The following UQCRB variants were observed in gnomAD, a reference collection of about 807,000 sequenced individuals.
UQCRB encodes the protein ubiquinol-cytochrome c reductase binding protein.
UQCRB carries 12 observed loss-of-function variants against 19.8 expected under a neutral mutation model. The ratio of observed to expected loss-of-function variants is 0.61; its 90% confidence interval spans 0.39 to 0.98. The LOEUF is 0.98. Among genes scored for constraint, UQCRB ranks in the 50% least tolerant of loss-of-function variants. The pLI is 0.00. For synonymous variants in UQCRB, 39 were observed against 42.9 expected, an observed-to-expected ratio of 0.91 and a Z score of 0.35; for missense variants, 142 against 131.8, an observed-to-expected ratio of 1.08 and a Z score of -0.38.
intron 3 of UQCRB, 173 bp from the exon 4 acceptor site, chr8:96,231,305 G>T: frequency 6.4e-7 from 1 of 1,553,050 alleles, no homozygotes; most frequent in Admixed American, 2.0e-5. Context: ...TGTGGTGATG[G>T]TGTGATAAGT....
In UQCRB at chr8:96,227,257, T is replaced by C. The variant is rs748764584; in HGVS notation, c.*3798A>G. 28 of 453,924 alleles carry C rather than the reference T, an allele frequency of 6.2e-5. No homozygotes were observed. The highest frequency in any genetic ancestry group is 3.5e-4 in the Admixed American group (15 of 42,574). 28.1% of individuals were successfully genotyped at this position (453,924 alleles called of 1,614,324 possible). Reference sequence around the variant, plus strand: ...TATTAGATTTCATTACATCAGTATATAGCTTAGTAGTAAATTCTCCTGATG... The same window carrying C: ...TATTAGATTTCATTACATCAGTATACAGCTTAGTAGTAAATTCTCCTGATG... On this transcript the variant is annotated 3_prime_UTR_variant, in exon 4 of 4. Coordinates refer to ENST00000287022, the MANE Select transcript of UQCRB (RefSeq NM_006294.5).
At chr8:96,232,311 T>C (rs1809695868) in intron 2 of UQCRB, 1 of 227,380 alleles carries the variant, frequency 4.4e-6, no homozygotes, top group African/African-American at 2.3e-5. Context: ...ACATCTCTTT[T>C]TTCTCATAGT....
At position 96,229,783 on chromosome 8, in the gene UQCRB, G is replaced by C. The variant is rs1361275494; in HGVS notation, c.*1272C>G. 1 of 453,638 alleles carries C rather than the reference G, an allele frequency of 2.2e-6. No individual in the cohort carries two copies. The highest frequency in any genetic ancestry group is 2.0e-5 in the African/African-American group (1 of 49,956). The allele number at this position is 453,638 out of a possible 1,614,324, so 28.1% of individuals were successfully genotyped here. ...AGCGAAAGGAAAAAAAAAAGCGGGG[G>C]AGGGGGTTCCTAGAGAATTTAAGAG... On this transcript the variant is annotated 3_prime_UTR_variant, in exon 4 of 4. Transcript: ENST00000287022.
At position 96,229,904 on chromosome 8, in the gene UQCRB, C is replaced by T. The variant is rs1267098390; in HGVS notation, c.*1151G>A. ...AAATGTAACACAAATTCGTTTTTCA[C>T]ACTGTTTTGTTATTTGAGGTAAGGC... is the stretch of plus-strand genomic sequence containing the variant. On this transcript the variant is annotated 3_prime_UTR_variant, in exon 4 of 4. Coordinates refer to ENST00000287022, the MANE Select transcript of UQCRB (RefSeq NM_006294.5). The T allele has an allele frequency of 2.3e-6, 1 of 436,630 alleles. No homozygotes were observed. Among genetic ancestry groups the T allele is most frequent in the East Asian group, 7.1e-5 (1 of 14,136 alleles). The allele number at this position is 436,630 out of a possible 1,614,324, so 27.0% of individuals were successfully genotyped here. A position where few individuals can be genotyped will look rare whatever the true frequency, so the allele number is the denominator to read the frequency against.
rs1054568833 is a variant in UQCRB at position 96,225,163 on chromosome 8, G to A, written c.*5892C>T. ...TGTGAAAATTAAAAATAGGCCCATA[G>A]GTGAAGGACATGAACAAGATTGATG... On this transcript the variant is annotated 3_prime_UTR_variant, in exon 4 of 4. Transcript: ENST00000287022. 7.2e-5 allele frequency among the ~76,000 whole-genome samples: 11 copies of A among 151,996 alleles called. No individual in the cohort carries two copies. The highest frequency in any genetic ancestry group is 7.2e-4 in the Admixed American group (11 of 15,264).
At position 96,229,668 on chromosome 8, in the gene UQCRB, A is replaced by G; in HGVS notation, c.*1387T>C. ...TAAAACCTTGTCACAATGTGACCTG[A>G]GCAAAACCATTATCAAGTGATCTAG... is the stretch of plus-strand genomic sequence containing the variant. On this transcript the variant is annotated 3_prime_UTR_variant, in exon 4 of 4. Transcript: ENST00000287022. 1 of 453,944 alleles carries G rather than the reference A, an allele frequency of 2.2e-6. No individual in the cohort carries two copies. Among genetic ancestry groups the G allele is most frequent in the Non-Finnish European group, 4.4e-6 (1 of 226,750 alleles). 28.1% of individuals were successfully genotyped at this position (453,944 alleles called of 1,614,324 possible).
In UQCRB at chr8:96,229,784, AG is replaced by A. The variant is rs1809616475; in HGVS notation, c.*1270del. The A allele has an allele frequency of 2.2e-6, 1 of 453,372 alleles. No homozygotes were observed. Among genetic ancestry groups the A allele is most frequent in the East Asian group, 6.9e-5 (1 of 14,392 alleles). The allele number at this position is 453,372 out of a possible 1,614,324, so 28.1% of individuals were successfully genotyped here. On this transcript the variant is annotated 3_prime_UTR_variant, in exon 4 of 4. Transcript: ENST00000287022. The stretch of plus-strand genomic sequence containing the variant: ...GCGAAAGGAAAAAAAAAAGCGGGGG[AG>A]GGGGTTCCTAGAGAATTTAAGAGGC...
Position 96,230,465 on chromosome 8 carries a change from C to T in UQCRB, c.*590G>A, listed in dbSNP as rs550727075. On this transcript the variant is annotated 3_prime_UTR_variant, in exon 4 of 4. Transcript: ENST00000287022. Reference sequence around the variant, plus strand: ...TCCAACCCTTAAACTTCATAACAATCATTTCCAAAGTGGAAAAGTCACTGG... The same window carrying T: ...TCCAACCCTTAAACTTCATAACAATTATTTCCAAAGTGGAAAAGTCACTGG... 2.9e-4 allele frequency: 133 copies of T among 454,062 alleles called. 1 individual carries two copies. The highest frequency in any genetic ancestry group is 2.1e-3 in the South Asian group (133 of 64,444). The allele number at this position is 454,062 out of a possible 1,614,324, so 28.1% of individuals were successfully genotyped here. A position where few individuals can be genotyped will look rare whatever the true frequency, so the allele number is the denominator to read the frequency against.
chr8:96,231,205 T>C, intron 3 of UQCRB, 73 bp from the exon 4 acceptor site: 1 of 1,613,480 alleles, frequency 6.2e-7, no homozygotes, highest in African/African-American at 1.3e-5. Flanking sequence ...AGGTCTTCAA[T>C]AACAAGAAAA....
In UQCRB at chr8:96,231,861, A is replaced by G. The variant is rs761646712; in HGVS notation, c.171T>C (p.Asn57=). 1.9e-6 allele frequency: 3 copies of G among 1,614,128 alleles called. No homozygotes were observed. Among genetic ancestry groups the G allele is most frequent in the Non-Finnish European group, 8.5e-7 (1 of 1,180,018 alleles). ...AIRRLPENLY[N]DRMFRIKRAL... The stretch of plus-strand genomic sequence containing the variant: ...CCCTCTTAATGCGAAACATCCTGTC[A>G]TTATAAAGGTTCTCAGGAAGTCTTC... The change falls in exon 3 of 4, where the codon AAT becomes AAC. Residue 57 remains asparagine, a synonymous_variant. Coordinates refer to ENST00000287022, the MANE Select transcript of UQCRB (RefSeq NM_006294.5).
At position 96,227,647 on chromosome 8, in the gene UQCRB, AT is replaced by A; in HGVS notation, c.*3407del. 1 of 454,058 alleles carries A rather than the reference AT, an allele frequency of 2.2e-6. No homozygotes were observed. The highest frequency in any genetic ancestry group is 7.0e-5 in the East Asian group (1 of 14,378). The allele number at this position is 454,058 out of a possible 1,614,324, so 28.1% of individuals were successfully genotyped here. A position where few individuals can be genotyped will look rare whatever the true frequency, so the allele number is the denominator to read the frequency against. Reference sequence around the variant, plus strand: ...CTTTTTAATTCCAAGTAGTTTGGTTATTTTCAAAGCTACACACAGGATGCCC... The same window carrying A: ...CTTTTTAATTCCAAGTAGTTTGGTTATTTCAAAGCTACACACAGGATGCCC... On this transcript the variant is annotated 3_prime_UTR_variant, in exon 4 of 4. Transcript: ENST00000287022.
Position 96,235,508 on chromosome 8 carries a change from T to C in UQCRB, c.19+4A>G, listed in dbSNP as rs1235203685. On this transcript the variant is annotated splice_donor_region_variant and intron_variant, in intron 1 of 3. Transcript: ENST00000287022. ...GCCGGCCAAGAAGACCCCCAGTTAC[T>C]TACCGGCCTGCTTACCAGCCATTTT... 15 of 1,614,206 alleles carry C rather than the reference T, an allele frequency of 9.3e-6. No individual in the cohort carries two copies. The highest frequency in any genetic ancestry group is 1.2e-5 in the Non-Finnish European group (14 of 1,180,032).
intron 2 of UQCRB, chr8:96,232,316 CAT>C: frequency 4.4e-6 from 1 of 227,220 alleles, no homozygotes; most frequent in South Asian, 5.6e-5. Context: ...TCTTTTTTCT[CAT>C]AGTTTAAATC....
chr8:96,223,207 C>T lies in UQCRB; in HGVS notation c.*7848G>A, dbSNP rs114655643. 9.3e-3 allele frequency among the ~76,000 whole-genome samples: 1,421 copies of T among 152,242 alleles called. 13 individuals carry two copies. Among genetic ancestry groups the T allele is most frequent in the African/African-American group, 0.032 (1,341 of 41,540 alleles). On this transcript the variant is annotated 3_prime_UTR_variant, in exon 4 of 4. Transcript: ENST00000287022. ...CAGACACACATACACAAAGTACTAT[C>T]GTGGTAATGGATATTTTAATTTGCT...
At position 96,229,053 on chromosome 8, in the gene UQCRB, T is replaced by G. The variant is rs1236714406; in HGVS notation, c.*2002A>C. The stretch of plus-strand genomic sequence containing the variant: ...ACTAGATCTACTTTCTTAGTCTTCA[T>G]AACAAGCAGGACGATAACCATAATT... On this transcript the variant is annotated 3_prime_UTR_variant, in exon 4 of 4. Coordinates refer to ENST00000287022, the MANE Select transcript of UQCRB (RefSeq NM_006294.5). 5 of 454,006 alleles carry G rather than the reference T, an allele frequency of 1.1e-5. No individual in the cohort carries two copies. The highest frequency in any genetic ancestry group is 2.2e-5 in the Non-Finnish European group (5 of 226,790). 28.1% of individuals were successfully genotyped at this position (454,006 alleles called of 1,614,324 possible).
rs10504961 is a variant in UQCRB, at chr8:96,227,901, C to T, written c.*3154G>A. ...CAGGAAAAGGTGCCATTAGTAAAAA[C>T]TCCATCACTAACATTTTGGTACCAC... On this transcript the variant is annotated 3_prime_UTR_variant, in exon 4 of 4. Transcript: ENST00000287022. 0.44 allele frequency: 201,898 copies of T among 453,846 alleles called. 46,486 individuals are homozygous for T. The highest frequency in any genetic ancestry group is 0.49 in the African/African-American group (24,599 of 50,022). The allele number at this position is 453,846 out of a possible 1,614,324, so 28.1% of individuals were successfully genotyped here.
rs1283828558 is a variant in UQCRB at position 96,225,293 on chromosome 8, T to C, written c.*5762A>G. ...AACTCTCCAACCAAATTCACAAAGA[T>C]TGCTTTTAATGAGAGCACTCAGTGC... On this transcript the variant is annotated 3_prime_UTR_variant, in exon 4 of 4. Transcript: ENST00000287022. 6.6e-6 allele frequency among the ~76,000 whole-genome samples: 1 copy of C among 152,200 alleles called. No homozygotes were observed. Among genetic ancestry groups the C allele is most frequent in the African/African-American group, 2.4e-5 (1 of 41,450 alleles).
rs1487684913 is a variant in UQCRB, at chr8:96,227,491, C to G, written c.*3564G>C. 2.2e-6 allele frequency: 1 copy of G among 454,132 alleles called. No individual in the cohort carries two copies. The highest frequency in any genetic ancestry group is 2.3e-5 in the Admixed American group (1 of 42,580). The allele number at this position is 454,132 out of a possible 1,614,324, so 28.1% of individuals were successfully genotyped here. On this transcript the variant is annotated 3_prime_UTR_variant, in exon 4 of 4. Coordinates refer to ENST00000287022, the MANE Select transcript of UQCRB (RefSeq NM_006294.5). The stretch of plus-strand genomic sequence containing the variant: ...TCCAAAGAGCAACCTGTCTTACTCA[C>G]TTTCTAACCATCCCTCTCTGATACT...
intron 2 of UQCRB, 53 bp from the exon 3 acceptor site, chr8:96,231,993 T>G: frequency 6.3e-7 from 1 of 1,581,010 alleles, no homozygotes; most frequent in South Asian, 1.1e-5. Context: ...ATCGCGGTTT[T>G]TTTAAATTAG....
Sources: allele counts gnomAD v4.1 joint callset (sites outside exome capture counted in the v4.1 genomes callset), GRCh38; gene constraint gnomAD v4.1.1; transcripts MANE v1.5; gene names NCBI Gene and HGNC (gene_info 2026-07-23, HGNC 2026-07-21).